The following PAM variants were observed in gnomAD, a reference collection of about 807,000 sequenced individuals.
PAM encodes the protein peptidylglycine alpha-amidating monooxygenase, also known as peptidyl-glycine alpha-amidating monooxygenase.
In PAM, 72 loss-of-function variants were observed where a neutral mutation model predicts 122.1. That is an observed-to-expected ratio of 0.59 (90% CI 0.49 to 0.72). The LOEUF (loss-of-function observed/expected upper bound fraction) is 0.72, where lower values mean the gene tolerates loss of function less well. Among genes scored for constraint, PAM ranks in the 30% least tolerant of loss-of-function variants. The pLI, the probability that PAM is intolerant of heterozygous loss-of-function variation, is 0.00. For synonymous variants in PAM, 389 were observed against 404.4 expected, an observed-to-expected ratio of 0.96 and a Z score of 0.46; for missense variants, 1,106 against 1,183.7, an observed-to-expected ratio of 0.93 and a Z score of 0.96.
chr5:102,813,939 C>T (rs934198070), intron 1 of PAM, among the ~76,000 whole-genome samples: 1 of 152,126 alleles, frequency 6.6e-6, no homozygotes, highest in Non-Finnish European at 1.5e-5. Flanking sequence ...TGGGGACTAG[C>T]CAGATTGAAA....
intron 1 of PAM, among the ~76,000 whole-genome samples, chr5:102,770,510 T>A (rs955935501): frequency 6.6e-6 from 1 of 152,144 alleles, no homozygotes. Flanking sequence ...CTGTCACATA[T>A]GGCTTTTATT....
chr5:103,012,547 A>G (rs1421558111), intron 21 of PAM, among the ~76,000 whole-genome samples: 1 of 152,108 alleles, frequency 6.6e-6, no homozygotes, highest in Admixed American at 6.6e-5. Context: ...ATGTTCTTGG[A>G]AACTTTGTGA....
chr5:102,867,444 A>G (rs1785972491), intron 3 of PAM, 51 bp downstream of exon 3: 3 of 1,430,060 alleles, frequency 2.1e-6, no homozygotes, highest in Admixed American at 3.6e-5. Context: ...TACAATCTAT[A>G]ATTAAAGTAA....
At chr5:102,831,267 AAG>A (rs1274855030) in intron 1 of PAM, among the ~76,000 whole-genome samples, 2 of 152,188 alleles carry the variant, frequency 1.3e-5, no homozygotes, top group African/African-American at 4.8e-5. Context: ...ATGAAAAATT[AAG>A]ACTTTTGACA....
intron 4 of PAM, among the ~76,000 whole-genome samples, chr5:102,903,864 A>G (rs545438767): frequency 5.9e-5 from 9 of 151,702 alleles, no homozygotes; most frequent in African/African-American, 2.2e-4. Flanking sequence ...TTTCTTCCTC[A>G]CATCAAATAC....
intron 3 of PAM, among the ~76,000 whole-genome samples, chr5:102,885,072 G>A (rs901664153): frequency 2.2e-5 from 3 of 136,448 alleles, no homozygotes; most frequent in Non-Finnish European, 4.5e-5. Context: ...TAGCAACCTT[G>A]TTTAATAACT....
chr5:102,931,807 ACTCT>A (rs60775669), intron 7 of PAM, among the ~76,000 whole-genome samples: 74 of 141,346 alleles, frequency 5.2e-4, no homozygotes, highest in Middle Eastern at 4.0e-3. Flanking sequence ...CAAACAACAC[ACTCT>A]CTCTCTCTCT....
intron 14 of PAM, among the ~76,000 whole-genome samples, chr5:102,965,183 A>G (rs903062963): frequency 1.3e-4 from 20 of 151,350 alleles, no homozygotes; most frequent in Non-Finnish European, 4.4e-5. Context: ...ACACACACAC[A>G]CACACACACA....
intron 15 of PAM, among the ~76,000 whole-genome samples, chr5:102,982,272 A>G (rs1770165245): frequency 6.6e-6 from 1 of 152,180 alleles, no homozygotes; most frequent in African/African-American, 2.4e-5. Flanking sequence ...CCAGCCCACT[A>G]CCACCACTGC....
chr5:103,015,299 T>C (rs956243443), intron 21 of PAM, among the ~76,000 whole-genome samples: 1 of 152,208 alleles, frequency 6.6e-6, no homozygotes, highest in African/African-American at 2.4e-5. Flanking sequence ...GAAGCAAACA[T>C]TGTTATGCTA....
intron 1 of PAM, among the ~76,000 whole-genome samples, chr5:102,795,572 T>C (rs1763192313): frequency 1.3e-5 from 2 of 152,204 alleles, no homozygotes; most frequent in African/African-American, 2.4e-5. Flanking sequence ...ACTTTCTTAA[T>C]GGCTACCCTT....
intron 3 of PAM, among the ~76,000 whole-genome samples, chr5:102,893,596 C>T (rs1234858926): frequency 6.6e-6 from 1 of 151,784 alleles, no homozygotes; most frequent in Non-Finnish European, 1.5e-5. Context: ...TTTTCTTACT[C>T]TTTCATGTGA....
At chr5:102,973,137 T>G (rs1766443718) in intron 14 of PAM, among the ~76,000 whole-genome samples, 1 of 152,314 alleles carries the variant, frequency 6.6e-6, no homozygotes, top group Middle Eastern at 3.4e-3. Flanking sequence ...CGTAAGTAAT[T>G]TCATCATTAG....
At chr5:103,023,846 G>A (rs1269552782) in intron 23 of PAM, among the ~76,000 whole-genome samples, 1 of 152,120 alleles carries the variant, frequency 6.6e-6, no homozygotes, top group Non-Finnish European at 1.5e-5. Context: ...CACTGAGACT[G>A]TCAAAGAGGC....
At chr5:102,781,051 T>G (rs371862597) in intron 1 of PAM, among the ~76,000 whole-genome samples, 74 of 152,004 alleles carry the variant, frequency 4.9e-4, no homozygotes, top group African/African-American at 1.6e-3. Flanking sequence ...TTGCCCCAGG[T>G]TTAAAAGCAC....
At chr5:102,837,640 A>T (rs1287950596) in intron 1 of PAM, 3 of 152,218 alleles carry the variant, frequency 2.0e-5, no homozygotes, top group African/African-American at 4.8e-5. Context: ...AGGTACATTA[A>T]TCACTAGTTT....
intron 7 of PAM, among the ~76,000 whole-genome samples, chr5:102,944,611 A>C (rs78868629): frequency 0.015 from 2,338 of 152,256 alleles, 34 homozygotes; most frequent in African/African-American, 0.032. Context: ...ACTGACTTCA[A>C]GCCCAAAACT....
At chr5:103,022,348 GATACA>G (rs1692990094) in intron 23 of PAM, among the ~76,000 whole-genome samples, 1 of 152,014 alleles carries the variant, frequency 6.6e-6, no homozygotes, top group African/African-American at 2.4e-5. Context: ...GATGAACTGG[GATACA>G]ATTGCTGTAT....
intron 3 of PAM, among the ~76,000 whole-genome samples, chr5:102,882,110 T>TATATAC (rs1561748160): frequency 1.3e-4 from 14 of 103,784 alleles, no homozygotes; most frequent in South Asian, 7.0e-4. Context: ...TATATATATA[T>TATATAC]ACACCACATT....
Sources: gnomAD v4.1 joint callset for allele counts (sites outside exome capture counted in the v4.1 genomes callset) on GRCh38, gnomAD v4.1.1 for gene constraint, MANE v1.5 for transcripts, NCBI Gene and HGNC (gene_info 2026-07-23, HGNC 2026-07-21) for gene names.